ASB8: variants seen among roughly 807,000 people sequenced by gnomAD.
ASB8 encodes the protein ankyrin repeat and SOCS box protein 8.
ASB8 carries 15 observed loss-of-function variants against 22.9 expected under a neutral mutation model. That is an observed-to-expected ratio of 0.66 (90% CI 0.44 to 1.01). The LOEUF is 1.01. ASB8 is among the 50% of genes least tolerant of loss of function. ASB8 has a pLI of 0.00. For synonymous variants in ASB8, 124 were observed against 140.8 expected, an observed-to-expected ratio of 0.88 and a Z score of 0.84; for missense variants, 294 against 356.9, an observed-to-expected ratio of 0.82 and a Z score of 1.42.
rs1951148376 is a variant in ASB8 at position 48,148,906 on chromosome 12, C to G, written c.*460G>C. On this transcript the variant is annotated 3_prime_UTR_variant, in exon 4 of 4. Transcript: ENST00000317697. ...CTCGAACTCCTGACCTCAGGTGATC[C>G]ACCTGCCTCAGCCTCCCAAAGTCCT... 1 of 167,232 alleles carries G rather than the reference C, an allele frequency of 6.0e-6. No homozygotes were observed. The highest frequency in any genetic ancestry group is 2.4e-5 in the African/African-American group (1 of 41,492). 10.4% of individuals were successfully genotyped at this position (167,232 alleles called of 1,614,324 possible). A position where few individuals can be genotyped will look rare whatever the true frequency, so the allele number is the denominator to read the frequency against.
In ASB8 at chr12:48,149,483, T is replaced by TA. The variant is rs771905997; in HGVS notation, c.749dup (p.Thr252AsnfsTer10). On this transcript the variant is annotated frameshift_variant, in exon 4 of 4. Coordinates refer to ENST00000317697, the MANE Select transcript of ASB8 (RefSeq NM_024095.5). LOFTEE classifies it high-confidence loss of function. The stretch of plus-strand genomic sequence containing the variant: ...GCACGGCATAGCGAGCGAGTGTTTT[T>TA]AGAGTTCCTGGAGCTGAGCACAGAA... 7.4e-6 allele frequency: 12 copies of TA among 1,614,186 alleles called. No individual in the cohort carries two copies. The highest frequency in any genetic ancestry group is 1.0e-5 in the Non-Finnish European group (12 of 1,180,028).
rs1951173852 is a variant in ASB8, at chr12:48,150,017, T to C, written c.235-19A>G. 1 of 1,606,384 alleles carries C rather than the reference T, an allele frequency of 6.2e-7. No individual in the cohort carries two copies. Among genetic ancestry groups the C allele is most frequent in the Middle Eastern group, 1.7e-4 (1 of 6,052 alleles). ...CATTCACCTGTAAAAAGGGAGGAAC[T>C]ATTACAGTAGACAGACTACTGAGAG... On this transcript the variant is annotated intron_variant, in intron 3 of 3. Transcript: ENST00000317697.
At position 48,148,499 on chromosome 12, in the gene ASB8, T is replaced by A. The variant is rs1951137143; in HGVS notation, c.*867A>T. 6.6e-6 allele frequency: 1 copy of A among 152,108 alleles called. No individual in the cohort carries two copies. The highest frequency in any genetic ancestry group is 1.5e-5 in the Non-Finnish European group (1 of 68,022). The allele number at this position is 152,108 out of a possible 1,614,324, so 9.4% of individuals were successfully genotyped here. A position where few individuals can be genotyped will look rare whatever the true frequency, so the allele number is the denominator to read the frequency against. On this transcript the variant is annotated 3_prime_UTR_variant, in exon 4 of 4. Transcript: ENST00000317697. ...CTTTGATGAGGGGAAAGAGGTCCAGTCCCTTCCAAATGCCCCAGGACATGG... is the reference window on the plus strand; with the variant it reads ...CTTTGATGAGGGGAAAGAGGTCCAGACCCTTCCAAATGCCCCAGGACATGG...
In ASB8 at chr12:48,149,641, C is replaced by G. The variant is rs78031196; in HGVS notation, c.592G>C (p.Gly198Arg). The G allele has an allele frequency of 1.9e-6, 3 of 1,613,986 alleles. No homozygotes were observed. The highest frequency in any genetic ancestry group is 2.5e-6 in the Non-Finnish European group (3 of 1,180,018). Residue 198 changes from glycine to arginine, a missense_variant, in exon 4 of 4, where the codon GGA (glycine) becomes CGA (arginine). Gly to Arg is a moderately radical substitution (Grantham distance 125). Transcript: ENST00000317697. The stretch of plus-strand genomic sequence containing the variant: ...GAGTCCTCTTTCTCTGTTCCAAGTC[C>G]CCTGACTAGCAGAGCCACCAGGCGG... ...ISRLVALLVR[G>R]LGTEKEDSCF...
rs758842353 is a variant in ASB8 at position 48,149,397 on chromosome 12, G to A, written c.836C>T (p.Ser279Phe). ...TAAAAGTAACAGGTATTCCTTCAAAGAAGCTGGCAGTGGAAGGCCCTTCAC... is the reference window on the plus strand; with the variant it reads ...TAAAAGTAACAGGTATTCCTTCAAAAAAGCTGGCAGTGGAAGGCCCTTCAC... The part of the protein sequence containing the change: ...DAVKGLPLPA[S>F]LKEYLLLLE Residue 279 changes from serine to phenylalanine, a missense_variant, in exon 4 of 4, where the codon TCT becomes TTT. Coordinates refer to ENST00000317697, the MANE Select transcript of ASB8 (RefSeq NM_024095.5). The A allele has an allele frequency of 1.2e-6, 2 of 1,613,946 alleles. No individual in the cohort carries two copies. The highest frequency in any genetic ancestry group is 1.7e-6 in the Non-Finnish European group (2 of 1,179,946).
intron 1 of ASB8, among the ~76,000 whole-genome samples, chr12:48,156,746 T>TAC (rs1452923753): frequency 6.6e-6 from 1 of 152,008 alleles, no homozygotes; most frequent in Admixed American, 6.6e-5. Flanking sequence ...CCTGAGAGTA[T>TAC]GGTCAGTGGT....
chr12:48,156,472 G>A (rs540154133), intron 1 of ASB8, among the ~76,000 whole-genome samples: 1 of 152,220 alleles, frequency 6.6e-6, no homozygotes, highest in Non-Finnish European at 1.5e-5. Flanking sequence ...TAAAGCAGGA[G>A]GCTTGGACCA....
chr12:48,157,080 G>A (rs1247692644), intron 1 of ASB8: 1 of 151,846 alleles, frequency 6.6e-6, no homozygotes. Context: ...CGCCCCGGGA[G>A]AACCTTGGCC....
chr12:48,150,902 C>A (rs1013058659), intron 3 of ASB8: 2 of 530,268 alleles, frequency 3.8e-6, no homozygotes, highest in African/African-American at 3.8e-5. Context: ...ACAAGGTAAG[C>A]TTCCTGAAGT....
chr12:48,150,035 A>G (rs1295694321), intron 3 of ASB8, 37 bp from the exon 4 acceptor site: 2 of 1,588,734 alleles, frequency 1.3e-6, no homozygotes, highest in Non-Finnish European at 8.6e-7. Context: ...TAGACAGACT[A>G]CTGAGAGGAA....
chr12:48,153,524 A>T lies in ASB8; in HGVS notation c.-28T>A. The T allele has an allele frequency of 6.2e-7, 1 of 1,611,146 alleles. No individual in the cohort carries two copies. The highest frequency in any genetic ancestry group is 1.3e-5 in the African/African-American group (1 of 75,002). On this transcript the variant is annotated 5_prime_UTR_variant, in exon 2 of 4. In the 5' UTR this introduces an upstream ATG that the reference lacks. Coordinates refer to ENST00000317697, the MANE Select transcript of ASB8 (RefSeq NM_024095.5). Reference sequence around the variant, plus strand: ...AGGCTCAAGGTGTTCACATGCTCCAAACTGCCTGAAACAAAGAAGTTTTCG... The same window carrying T: ...AGGCTCAAGGTGTTCACATGCTCCATACTGCCTGAAACAAAGAAGTTTTCG...
chr12:48,152,591 C>A (rs1951221158), intron 2 of ASB8, among the ~76,000 whole-genome samples: 1 of 152,144 alleles, frequency 6.6e-6, no homozygotes, highest in Non-Finnish European at 1.5e-5. Flanking sequence ...AGGTTGATAT[C>A]CTCTACAGAG....
intron 2 of ASB8, chr12:48,151,779 T>C (rs1422434695): frequency 6.0e-6 from 3 of 496,878 alleles, no homozygotes; most frequent in African/African-American, 4.0e-5. Context: ...CGGTTTTTCC[T>C]TTTTTATAAA....
Position 48,149,482 on chromosome 12 carries a change from T to G in ASB8, c.751A>C (p.Lys251Gln), listed in dbSNP as rs1434097591. 1 of 1,614,076 alleles carries G rather than the reference T, an allele frequency of 6.2e-7. No individual in the cohort carries two copies. The change falls in exon 4 of 4, where the codon AAA becomes CAA. Residue 251 changes from lysine (K) to glutamine (Q), a missense_variant. Transcript: ENST00000317697. The stretch of plus-strand genomic sequence containing the variant: ...CGCACGGCATAGCGAGCGAGTGTTT[T>G]TAGAGTTCCTGGAGCTGAGCACAGA... ...TVLCSAPGTL[K>Q]TLARYAVRRS...
In ASB8 at chr12:48,151,303, T is replaced by C; in HGVS notation, c.132A>G (p.Gly44=). The change falls in exon 3 of 4, where the codon GGA becomes GGG. Residue 44 remains glycine (G), a splice_region_variant and synonymous_variant. Transcript: ENST00000317697. ...TGCCATGAGTGCAGTTCACATCTGCTCCCTGTGGGCAGAAGACAACTTCAG... is the reference window on the plus strand; with the variant it reads ...TGCCATGAGTGCAGTTCACATCTGCCCCCTGTGGGCAGAAGACAACTTCAG... ...HDNVEDLIRG[G]ADVNCTHGTL... 6.2e-7 allele frequency: 1 copy of C among 1,609,506 alleles called. No individual in the cohort carries two copies. Among genetic ancestry groups the C allele is most frequent in the Non-Finnish European group, 8.5e-7 (1 of 1,176,480 alleles).
At chr12:48,151,828 C>T (rs1207305658) in intron 2 of ASB8, among the ~76,000 whole-genome samples, 3 of 152,094 alleles carry the variant, frequency 2.0e-5, no homozygotes, top group African/African-American at 7.2e-5. Context: ...TATTCTTTAC[C>T]ATCTAGCCTT....
In ASB8 at chr12:48,153,389, A is replaced by AT. The variant is rs760297793; in HGVS notation, c.107dup (p.Asn36LysfsTer32). Reference sequence around the variant, plus strand: ...TCACCCCTCTGATGAGGTCCTCTACATTATCATGTGGGAAGGAACGGATGG... The same window carrying AT: ...TCACCCCTCTGATGAGGTCCTCTACATTTATCATGTGGGAAGGAACGGATGG... On this transcript the variant is annotated frameshift_variant, in exon 2 of 4. Coordinates refer to ENST00000317697, the MANE Select transcript of ASB8 (RefSeq NM_024095.5). LOFTEE classifies it high-confidence loss of function. 1.2e-6 allele frequency: 2 copies of AT among 1,614,024 alleles called. No homozygotes were observed. Among genetic ancestry groups the AT allele is most frequent in the South Asian group, 2.2e-5 (2 of 91,086 alleles).
rs1951128080 is a variant in ASB8 at position 48,148,066 on chromosome 12, T to TA, written c.*1299dup. 6.6e-6 allele frequency: 1 copy of TA among 152,236 alleles called. No homozygotes were observed. The highest frequency in any genetic ancestry group is 1.5e-5 in the Non-Finnish European group (1 of 68,034). The allele number at this position is 152,236 out of a possible 1,614,324, so 9.4% of individuals were successfully genotyped here. ...GATGGACCATCACAAAAGGAGCTCT[T>TA]ACATGCTTTTCCCACTCCCATCCCA... On this transcript the variant is annotated 3_prime_UTR_variant, in exon 4 of 4. Transcript: ENST00000317697.
intron 2 of ASB8, chr12:48,152,792 C>G (rs1951224353): frequency 6.6e-6 from 1 of 152,046 alleles, no homozygotes; most frequent in Non-Finnish European, 1.5e-5. Context: ...CATGAGAATT[C>G]AAGACCAGCC....
Sources: gnomAD v4.1 joint callset for allele counts (sites outside exome capture counted in the v4.1 genomes callset) on GRCh38, gnomAD v4.1.1 for gene constraint, MANE v1.5 for transcripts, NCBI Gene and HGNC (gene_info 2026-07-23, HGNC 2026-07-21) for gene names.